The following ADGRG1 variants were observed in gnomAD, a reference collection of about 807,000 sequenced individuals.
ADGRG1 encodes 7-transmembrane protein with no EGF-like N-terminal domains-1.
Under a neutral mutation model 73.5 loss-of-function variants are expected in ADGRG1, and 53 were observed. The ratio of observed to expected loss-of-function variants is 0.72; its 90% CI spans 0.58 to 0.91. ADGRG1 has a LOEUF of 0.91. ADGRG1 is among the 40% of genes least tolerant of loss of function. The pLI is 0.00. For synonymous variants in ADGRG1, 394 were observed against 374.4 expected, an observed-to-expected ratio of 1.05 and a Z score of -0.60; for missense variants, 795 against 871.8, an observed-to-expected ratio of 0.91 and a Z score of 1.11.
chr16:57,643,659 C>T, intron 1 of ADGRG1: 1 of 985,120 alleles, frequency 1.0e-6, no homozygotes, highest in South Asian at 4.7e-5. Flanking sequence ...CCGAGGCAGG[C>T]AGCTTGCTTC....
intron 1 of ADGRG1, chr16:57,645,287 G>C (rs562030072): frequency 1.0e-6 from 1 of 985,326 alleles, no homozygotes; most frequent in Non-Finnish European, 1.2e-6. Flanking sequence ...TAAGGGGAAG[G>C]CCTCCAGGTG....
chr16:57,637,847 C>T (rs1216211391), intron 1 of ADGRG1, among the ~76,000 whole-genome samples: 1 of 152,238 alleles, frequency 6.6e-6, no homozygotes, highest in African/African-American at 2.4e-5. Flanking sequence ...CTCTGTTGGA[C>T]TCCCCTCAGA....
chr16:57,636,924 A>C (rs754457528), intron 1 of ADGRG1, among the ~76,000 whole-genome samples: 1 of 152,184 alleles, frequency 6.6e-6, no homozygotes, highest in Non-Finnish European at 1.5e-5. Flanking sequence ...ACGGAAGATA[A>C]TTTTAATTGG....
intron 9 of ADGRG1, 146 bp from the exon 10 acceptor site, chr16:57,657,227 T>C (rs777577438): frequency 4.5e-5 from 52 of 1,151,750 alleles, no homozygotes; most frequent in Non-Finnish European, 5.8e-5. Context: ...AATGCACTTA[T>C]GGGACCACAT....
chr16:57,659,091 G>A (rs2046426007), intron 10 of ADGRG1: 1 of 985,276 alleles, frequency 1.0e-6, no homozygotes, highest in African/African-American at 1.7e-5. Context: ...CTCCAACATG[G>A]TGAAAATGCC....
At chr16:57,662,483 A>T (rs528868910) in intron 13 of ADGRG1, among the ~76,000 whole-genome samples, 1 of 151,960 alleles carries the variant, frequency 6.6e-6, no homozygotes, top group Non-Finnish European at 1.5e-5. Context: ...CTTTTTGGAA[A>T]CGCAGCCTCT....
At chr16:57,652,188 C>T in intron 3 of ADGRG1, 2 of 991,902 alleles carry the variant, frequency 2.0e-6, no homozygotes, top group Non-Finnish European at 2.4e-6. Flanking sequence ...GGGGTTGACT[C>T]TGAGGTCCAG....
rs754568057 is a variant in ADGRG1 at position 57,656,497 on chromosome 16, T to A, written c.1064-17T>A. Reference sequence around the variant, plus strand: ...AGGACTGGACTTGATTGGAGCCCCGTGCTGTCCCCTCCTCAGTGAGCAGCC... The same window carrying A: ...AGGACTGGACTTGATTGGAGCCCCGAGCTGTCCCCTCCTCAGTGAGCAGCC... On this transcript the variant is annotated splice_polypyrimidine_tract_variant and intron_variant, in intron 8 of 13. Coordinates refer to ENST00000562631, the MANE Select transcript of ADGRG1 (RefSeq NM_201525.4). 6.3e-7 allele frequency: 1 copy of A among 1,595,660 alleles called. No homozygotes were observed. The highest frequency in any genetic ancestry group is 8.6e-7 in the Non-Finnish European group (1 of 1,163,310).
chr16:57,661,661 T>C (rs1404959812), intron 12 of ADGRG1, 36 bp from the exon 13 acceptor site: 10 of 1,599,682 alleles, frequency 6.3e-6, no homozygotes, highest in Non-Finnish European at 7.7e-6. Context: ...CTGCCCGTGC[T>C]GGCCACACGC....
upstream of ADGRG1, chr16:57,627,163 G>A: frequency 9.3e-6 from 8 of 864,864 alleles, no homozygotes; most frequent in Non-Finnish European, 1.1e-5. Context: ...ATTTCAAGCA[G>A]GTAGGTGAGG....
At chr16:57,634,608 C>T (rs1298852917) in intron 1 of ADGRG1, 1 of 383,106 alleles carries the variant, frequency 2.6e-6, no homozygotes, top group Non-Finnish European at 3.6e-6. Flanking sequence ...ACCCAGTCTC[C>T]TGCCTCTTAG....
upstream of ADGRG1, among the ~76,000 whole-genome samples, chr16:57,625,236 A>G (rs929201169): frequency 6.6e-6 from 1 of 151,984 alleles, no homozygotes; most frequent in Non-Finnish European, 1.5e-5. Context: ...AGCCCCAACG[A>G]CGTGTTTCCA....
chr16:57,636,243 A>G, intron 1 of ADGRG1: 1 of 985,214 alleles, frequency 1.0e-6, no homozygotes, highest in African/African-American at 1.7e-5. Flanking sequence ...TTTAATGTAG[A>G]GAGAAAATCC....
chr16:57,656,120 G>A, intron 7 of ADGRG1, 106 bp from the exon 8 acceptor site: 1 of 1,613,540 alleles, frequency 6.2e-7, no homozygotes, highest in Non-Finnish European at 8.5e-7. Flanking sequence ...GGTCCAAATG[G>A]GGCGGGTGGT....
Position 57,656,560 on chromosome 16 carries a change from G to A in ADGRG1, c.1110G>A (p.Arg370=), listed in dbSNP as rs753570087. The change falls in exon 9 of 14, where the codon AGG becomes AGA. Residue 370 remains arginine (R), a synonymous_variant. Coordinates refer to ENST00000562631, the MANE Select transcript of ADGRG1 (RefSeq NM_201525.4). ...GCAGTGCTGGGTGTGAGACCGTCAG[G>A]AGAGAAACCCAAACATCCTGCTTCT... is the stretch of plus-strand genomic sequence containing the variant. ...HWSSAGCETV[R]RETQTSCFCN... is the part of the protein sequence containing the mutation. The A allele has an allele frequency of 6.2e-7, 1 of 1,613,982 alleles. No individual in the cohort carries two copies. The highest frequency in any genetic ancestry group is 2.2e-5 in the East Asian group (1 of 44,874).
At chr16:57,632,978 G>A (rs754111108) in intron 1 of ADGRG1, 30 of 983,306 alleles carry the variant, frequency 3.1e-5, no homozygotes, top group African/African-American at 1.7e-4. Flanking sequence ...ATAGAGAGCC[G>A]CCTCTGCCAC....
intron 1 of ADGRG1, chr16:57,644,197 T>A (rs1174003019): frequency 1.0e-5 from 10 of 984,850 alleles, no homozygotes; most frequent in Non-Finnish European, 1.1e-5. Flanking sequence ...GCCCCATGCA[T>A]CCCTGTGTAT....
chr16:57,659,730 TC>T, intron 11 of ADGRG1, 49 bp downstream of exon 11: 4 of 1,607,108 alleles, frequency 2.5e-6, no homozygotes, highest in Non-Finnish European at 3.4e-6. Flanking sequence ...CCCACTTGGC[TC>T]TGGCAAAACC....
At chr16:57,656,032 G>T in intron 7 of ADGRG1, 40 bp downstream of exon 7, 2 of 1,613,708 alleles carry the variant, frequency 1.2e-6, no homozygotes, top group Non-Finnish European at 1.7e-6. Context: ...AGCGCCCCTC[G>T]GCCATGTCAC....
Sources: allele counts gnomAD v4.1 joint callset (sites outside exome capture counted in the v4.1 genomes callset), GRCh38; gene constraint gnomAD v4.1.1; transcripts MANE v1.5; gene names NCBI Gene and HGNC (gene_info 2026-07-23, HGNC 2026-07-21).